The following PTPRT variants were observed in gnomAD, a reference collection of about 807,000 sequenced individuals.
The protein encoded by PTPRT is receptor-type tyrosine-protein phosphatase T.
A neutral mutation model predicts 176.8 loss-of-function variants in PTPRT; 56 were observed. The observed-to-expected ratio is 0.32, with a 90% CI of 0.26 to 0.40. The LOEUF is 0.40. Among genes scored for constraint, PTPRT ranks in the 10% least tolerant of loss-of-function variants. The pLI, the probability that PTPRT is intolerant of heterozygous loss-of-function variation, is 1.00. For synonymous variants in PTPRT, 783 were observed against 739.0 expected (o/e 1.06, Z -0.96); for missense variants, 1,540 against 1,908.2 (o/e 0.81, Z 3.60).
At chr20:42,493,990 G>A (rs936779711) in intron 7 of PTPRT, among the ~76,000 whole-genome samples, 2 of 151,946 alleles carry the variant, frequency 1.3e-5, no homozygotes, top group Non-Finnish European at 2.9e-5. Context: ...TTGTCTTCCA[G>A]AAAAGTCTTA....
chr20:43,116,011 C>G lies in PTPRT; in HGVS notation c.88+73635G>C, dbSNP rs559415913. Among the ~76,000 whole-genome samples, 18 of 152,334 alleles carry G rather than the reference C, an allele frequency of 1.2e-4. No homozygotes were observed. In the East Asian group the frequency reaches 2.7e-3, roughly 23 times the overall value. On this transcript the variant is annotated intron_variant, in intron 1 of 30. Transcript: ENST00000373187. The stretch of plus-strand genomic sequence containing the variant: ...CCAACTCTGGGTACTCACTGAAAAC[C>G]TTACCTTTGGGTAATGAGTTCCAAA...
intron 1 of PTPRT, among the ~76,000 whole-genome samples, chr20:42,916,420 A>G (rs1427309875): frequency 6.6e-6 from 1 of 152,178 alleles, no homozygotes; most frequent in Non-Finnish European, 1.5e-5. Flanking sequence ...TGCCGCTATA[A>G]ACATACATGT....
chr20:42,202,271 A>G (rs548532965), intron 15 of PTPRT, among the ~76,000 whole-genome samples: 14 of 152,314 alleles, frequency 9.2e-5, no homozygotes, highest in African/African-American at 2.6e-4. Flanking sequence ...TGCCCAGCCG[A>G]GAAAGTTTCT....
rs190957068 is a variant in PTPRT at position 43,103,936 on chromosome 20, A to G, written c.88+85710T>C. On this transcript the variant is annotated intron_variant, in intron 1 of 30. Coordinates refer to ENST00000373187, the MANE Select transcript of PTPRT (RefSeq NM_007050.6). ...CTATCTCTCATCTAATATCCTGTGG[A>G]AAACAAATATCACAAAGTAATGCAT... 1.0e-3 allele frequency among the ~76,000 whole-genome samples: 153 copies of G among 152,240 alleles called. 1 individual carries two copies. Among genetic ancestry groups the G allele is most frequent in the African/African-American group, 3.5e-3 (147 of 41,536 alleles).
At chr20:43,019,403 G>A (rs1024911762) in intron 1 of PTPRT, among the ~76,000 whole-genome samples, 4 of 151,934 alleles carry the variant, frequency 2.6e-5, no homozygotes, top group African/African-American at 7.3e-5. Flanking sequence ...GGCAGATCAC[G>A]AGGTCAGGAG....
At chr20:42,578,890 GTT>G (rs200719616) in intron 7 of PTPRT, among the ~76,000 whole-genome samples, 7 of 123,890 alleles carry the variant, frequency 5.7e-5, no homozygotes, top group East Asian at 2.6e-4. Flanking sequence ...AGTCTTGCAA[GTT>G]TTTTTTTTTT....
chr20:42,469,689 C>T (rs1240901709), intron 8 of PTPRT, among the ~76,000 whole-genome samples: 1 of 148,098 alleles, frequency 6.8e-6, no homozygotes, highest in Non-Finnish European at 1.5e-5. Flanking sequence ...GGAAGTTTTA[C>T]AGAGTCTACT....
intron 7 of PTPRT, among the ~76,000 whole-genome samples, chr20:42,523,674 T>C (rs1469240677): frequency 6.6e-6 from 1 of 152,214 alleles, no homozygotes; most frequent in Non-Finnish European, 1.5e-5. Context: ...CGTAGACATA[T>C]ATTGTAGTTA....
chr20:42,108,770 A>G (rs1986745936), intron 23 of PTPRT, among the ~76,000 whole-genome samples: 1 of 152,158 alleles, frequency 6.6e-6, no homozygotes, highest in Non-Finnish European at 1.5e-5. Context: ...ACTATATGTC[A>G]GGCATTCTCT....
chr20:43,170,015 G>A (rs1305979809), intron 1 of PTPRT, among the ~76,000 whole-genome samples: 1 of 151,984 alleles, frequency 6.6e-6, no homozygotes, highest in East Asian at 1.9e-4. Context: ...ACAATGTCTG[G>A]TATATAGTTA....
At chr20:42,851,098 C>G (rs997628383) in intron 2 of PTPRT, among the ~76,000 whole-genome samples, 3 of 152,140 alleles carry the variant, frequency 2.0e-5, no homozygotes, top group Admixed American at 6.5e-5. Flanking sequence ...TTTCAAACAT[C>G]CAAGATACTA....
chr20:42,900,997 C>CA (rs2079394663), intron 1 of PTPRT, among the ~76,000 whole-genome samples: 1 of 152,188 alleles, frequency 6.6e-6, no homozygotes, highest in African/African-American at 2.4e-5. Context: ...CTGCTCTCCA[C>CA]TATCTCAAGC....
intron 16 of PTPRT, among the ~76,000 whole-genome samples, chr20:42,198,155 G>A (rs1219390455): frequency 2.6e-5 from 4 of 152,138 alleles, no homozygotes; most frequent in African/African-American, 9.7e-5. Flanking sequence ...TCTCAGATCT[G>A]GATCCATTAA....
chr20:42,525,384 G>T (rs1176548966), intron 7 of PTPRT, among the ~76,000 whole-genome samples: 1 of 152,158 alleles, frequency 6.6e-6, no homozygotes, highest in Non-Finnish European at 1.5e-5. Context: ...TCAGGGTGGA[G>T]CCTTTGTTCT....
At chr20:42,333,455 C>T (rs962649329) in intron 11 of PTPRT, among the ~76,000 whole-genome samples, 1 of 152,042 alleles carries the variant, frequency 6.6e-6, no homozygotes, top group African/African-American at 2.4e-5. Context: ...CCTCAGCCTC[C>T]CGAGTAGCTG....
At chr20:42,369,161 C>T (rs1157588279) in intron 9 of PTPRT, among the ~76,000 whole-genome samples, 1 of 151,996 alleles carries the variant, frequency 6.6e-6, no homozygotes, top group African/African-American at 2.4e-5. Context: ...CCCTTTCTCA[C>T]TGTGTTGCCC....
At chr20:42,785,813 T>C (rs3091835) in intron 3 of PTPRT, among the ~76,000 whole-genome samples, 11,896 of 152,214 alleles carry the variant, frequency 0.078, 651 homozygotes, top group East Asian at 0.18. Context: ...CCCCTTTGTC[T>C]CTTTTTCCCT....
intron 7 of PTPRT, among the ~76,000 whole-genome samples, chr20:42,583,167 TG>T (rs1416456867): frequency 6.6e-6 from 1 of 152,192 alleles, no homozygotes; most frequent in Non-Finnish European, 1.5e-5. Context: ...TCCACAGAGA[TG>T]ATCTTGCTCC....
Position 42,246,818 on chromosome 20 carries a change from T to A in PTPRT, c.2312+1869A>T, listed in dbSNP as rs559708500. Among the ~76,000 whole-genome samples, 303 of 152,320 alleles carry A rather than the reference T, an allele frequency of 2.0e-3. 1 individual carries two copies. Among genetic ancestry groups the A allele is most frequent in the Middle Eastern group, 3.4e-3 (1 of 294 alleles). The stretch of plus-strand genomic sequence containing the variant: ...CAGTTCCATTAATTTGGGTGGACAA[T>A]CCCAAACTCACCTCTGCCTCTAATA... On this transcript the variant is annotated intron_variant, in intron 14 of 30. Transcript: ENST00000373187.
Sources: gnomAD v4.1 joint callset for allele counts (sites outside exome capture counted in the v4.1 genomes callset) on GRCh38, gnomAD v4.1.1 for gene constraint, MANE v1.5 for transcripts, NCBI Gene and HGNC (gene_info 2026-07-23, HGNC 2026-07-21) for gene names.